The following PLEKHA3 variants were observed in gnomAD, a reference collection of about 807,000 sequenced individuals.
The protein encoded by PLEKHA3 is pleckstrin homology domain-containing family A member 3.
In PLEKHA3, 19 loss-of-function variants were observed where a neutral mutation model predicts 39.2. The ratio of observed to expected loss-of-function variants is 0.48; its 90% CI spans 0.34 to 0.71. The LOEUF is 0.71. PLEKHA3 is among the 30% of genes least tolerant of loss of function. The probability of loss-of-function intolerance (pLI) is 0.01; values close to 1 mark genes in which losing one functional copy is unlikely to be tolerated. For missense variants in PLEKHA3, 253 were observed against 359.5 expected (o/e 0.70, Z 2.40); for synonymous variants, 97 against 118.6 (o/e 0.82, Z 1.18).
At chr2:178,491,981 C>A (rs191617127) in intron 3 of PLEKHA3, among the ~76,000 whole-genome samples, 107 of 152,258 alleles carry the variant, frequency 7.0e-4, no homozygotes, top group Non-Finnish European at 1.8e-4. Context: ...ACTCCTTTGA[C>A]GACCTAATCA....
chr2:178,502,410 AG>A, intron 7 of PLEKHA3: 1 of 416,714 alleles, frequency 2.4e-6, no homozygotes, highest in South Asian at 1.8e-5. Context: ...CAATCAAGCA[AG>A]ACCTGGAAGA....
chr2:178,480,913 T>C lies in PLEKHA3; in HGVS notation c.40+4T>C. 7.7e-7 allele frequency: 1 copy of C among 1,299,932 alleles called. No individual in the cohort carries two copies. The highest frequency in any genetic ancestry group is 3.1e-5 in the Admixed American group (1 of 31,986). The allele number at this position is 1,299,932 out of a possible 1,614,324, so 80.5% of individuals were successfully genotyped here. A position where few individuals can be genotyped will look rare whatever the true frequency, so the allele number is the denominator to read the frequency against. On this transcript the variant is annotated splice_donor_region_variant and intron_variant, in intron 1 of 7. Transcript: ENST00000234453. ...AAGTGGACCAACTATCTCACAGGTA[T>C]GGGGGCTCGTGTGATGAGGGAAGAG...
chr2:178,487,634 T>C (rs1257900943), intron 2 of PLEKHA3, among the ~76,000 whole-genome samples: 1 of 152,108 alleles, frequency 6.6e-6, no homozygotes, highest in Non-Finnish European at 1.5e-5. Flanking sequence ...AGATGGGATT[T>C]CACCGTGTTG....
intron 2 of PLEKHA3, among the ~76,000 whole-genome samples, chr2:178,486,072 G>T (rs578040599): frequency 3.3e-5 from 5 of 152,222 alleles, no homozygotes; most frequent in Admixed American, 3.3e-4. Flanking sequence ...TTTCATTATT[G>T]TTGTAATTAA....
chr2:178,513,691 T>C lies in PLEKHA3; in HGVS notation c.*9804T>C, dbSNP rs1313855602. ...ATTTTAAAAGTTTATCTATAGAAGA[T>C]GAGACAAATTTGCTGTAGAAGTTAC... On this transcript the variant is annotated 3_prime_UTR_variant, in exon 8 of 8. Transcript: ENST00000234453. 1 of 152,038 alleles carries C rather than the reference T, an allele frequency of 6.6e-6. No homozygotes were observed. The highest frequency in any genetic ancestry group is 2.4e-5 in the African/African-American group (1 of 41,392). The allele number at this position is 152,038 out of a possible 1,614,324, so 9.4% of individuals were successfully genotyped here.
intron 2 of PLEKHA3, among the ~76,000 whole-genome samples, chr2:178,487,413 C>CT (rs1685266949): frequency 6.6e-6 from 1 of 151,710 alleles, no homozygotes; most frequent in Non-Finnish European, 1.5e-5. Flanking sequence ...GAATCTTTTT[C>CT]TTTTTTTCTT....
intron 2 of PLEKHA3, among the ~76,000 whole-genome samples, chr2:178,486,329 G>C (rs539046298): frequency 2.7e-4 from 41 of 152,292 alleles, no homozygotes; most frequent in African/African-American, 9.9e-4. Flanking sequence ...GTGTGTGGTT[G>C]GAGTGTGTGG....
At chr2:178,485,040 T>G (rs1685226767) in intron 1 of PLEKHA3, among the ~76,000 whole-genome samples, 1 of 152,252 alleles carries the variant, frequency 6.6e-6, no homozygotes, top group Admixed American at 6.5e-5. Flanking sequence ...TGGAATTCAT[T>G]TAGCACTCAT....
chr2:178,493,690 GAGA>G (rs1685394432), intron 3 of PLEKHA3, among the ~76,000 whole-genome samples, 160 bp from the exon 4 acceptor site: 1 of 152,170 alleles, frequency 6.6e-6, no homozygotes, highest in South Asian at 2.1e-4. Context: ...ATTATCTGAA[GAGA>G]AGATGTTTCC....
chr2:178,490,606 C>T (rs966728488), intron 2 of PLEKHA3, 53 bp from the exon 3 acceptor site: 4 of 1,529,228 alleles, frequency 2.6e-6, no homozygotes, highest in African/African-American at 1.4e-5. Flanking sequence ...TATTTGATTA[C>T]CCTTAAATTA....
At chr2:178,489,063 A>G (rs1685303265) in intron 2 of PLEKHA3, 2 of 402,866 alleles carry the variant, frequency 5.0e-6, no homozygotes, top group African/African-American at 2.1e-5. Context: ...TTGTAGCAAC[A>G]TCATTAGAAA....
At position 178,490,690 on chromosome 2, in the gene PLEKHA3, A is replaced by G; in HGVS notation, c.189A>G (p.Leu63=). The G allele has an allele frequency of 6.2e-7, 1 of 1,613,912 alleles. No homozygotes were observed. Among genetic ancestry groups the G allele is most frequent in the South Asian group, 1.1e-5 (1 of 91,060 alleles). The change falls in exon 3 of 8, where the codon TTA becomes TTG. Residue 63 remains leucine (L), a synonymous_variant. Transcript: ENST00000234453. The stretch of plus-strand genomic sequence containing the variant: ...CAGCAGACAACACAAGAATGGAATT[A>G]ATCATTCCTGGAGAGCAGCATTTCT... ...VHSADNTRME[L]IIPGEQHFYM...
At chr2:178,487,683 A>G (rs1317281479) in intron 2 of PLEKHA3, among the ~76,000 whole-genome samples, 4 of 152,120 alleles carry the variant, frequency 2.6e-5, no homozygotes, top group African/African-American at 9.7e-5. Context: ...AGCTTAAGCA[A>G]TCTGCCCGCT....
intron 7 of PLEKHA3, 130 bp downstream of exon 7, chr2:178,501,306 G>A (rs925971735): frequency 1.5e-6 from 1 of 669,820 alleles, no homozygotes; most frequent in African/African-American, 1.8e-5. Flanking sequence ...TAATTCAGAG[G>A]TAAGCAAACA....
Position 178,510,330 on chromosome 2 carries a change from G to A in PLEKHA3, c.*6443G>A, listed in dbSNP as rs1301874092. 6.5e-6 allele frequency: 1 copy of A among 153,640 alleles called. No homozygotes were observed. Among genetic ancestry groups the A allele is most frequent in the Non-Finnish European group, 1.5e-5 (1 of 68,036 alleles). 9.5% of individuals were successfully genotyped at this position (153,640 alleles called of 1,614,324 possible). A position where few individuals can be genotyped will look rare whatever the true frequency, so the allele number is the denominator to read the frequency against. On this transcript the variant is annotated 3_prime_UTR_variant, in exon 8 of 8. Transcript: ENST00000234453. ...TTTGATGTGCTTTTAAGCTTTATTG[G>A]TATTATATTTTGTTTTTATCATATA...
At chr2:178,492,254 T>C (rs1362766784) in intron 3 of PLEKHA3, among the ~76,000 whole-genome samples, 1 of 152,036 alleles carries the variant, frequency 6.6e-6, no homozygotes, top group Non-Finnish European at 1.5e-5. Flanking sequence ...TTTTGAAATA[T>C]ATGAAAACAT....
rs1184948818 is a variant in PLEKHA3, at chr2:178,510,895, T to A, written c.*7008T>A. ...CAAAGTGTTTTGGGGAACATTTAAT[T>A]TAAATACTATGTTCAATTTTTTTAA... On this transcript the variant is annotated 3_prime_UTR_variant, in exon 8 of 8. Transcript: ENST00000234453. The A allele has an allele frequency of 2.0e-5, 3 of 152,234 alleles. No homozygotes were observed. Among genetic ancestry groups the A allele is most frequent in the Admixed American group, 6.5e-5 (1 of 15,282 alleles). The allele number at this position is 152,234 out of a possible 1,614,324, so 9.4% of individuals were successfully genotyped here.
chr2:178,513,647 C>A lies in PLEKHA3; in HGVS notation c.*9760C>A, dbSNP rs1264124034. 1 of 152,000 alleles carries A rather than the reference C, an allele frequency of 6.6e-6. No homozygotes were observed. The highest frequency in any genetic ancestry group is 1.5e-5 in the Non-Finnish European group (1 of 68,008). 9.4% of individuals were successfully genotyped at this position (152,000 alleles called of 1,614,324 possible). On this transcript the variant is annotated 3_prime_UTR_variant, in exon 8 of 8. Coordinates refer to ENST00000234453, the MANE Select transcript of PLEKHA3 (RefSeq NM_019091.4). ...AGTTGTGGACAATGCAACTTGGAAT[C>A]ATTTTAGTTTTCCAATTGATTTTAA...
intron 6 of PLEKHA3, among the ~76,000 whole-genome samples, 199 bp downstream of exon 6, chr2:178,499,453 A>AC (rs995809272): frequency 6.6e-6 from 1 of 152,146 alleles, no homozygotes; most frequent in Non-Finnish European, 1.5e-5. Context: ...AGTAAAGAAA[A>AC]AAATGAATGA....
Sources: gnomAD v4.1 joint callset for allele counts (sites outside exome capture counted in the v4.1 genomes callset) on GRCh38, gnomAD v4.1.1 for gene constraint, MANE v1.5 for transcripts, NCBI Gene and HGNC (gene_info 2026-07-23, HGNC 2026-07-21) for gene names.